The following VAT1L variants were observed in gnomAD, a reference collection of about 807,000 sequenced individuals.
VAT1L encodes putative NADPH-dependent quinone oxidoreductase VAT1L.
A neutral mutation model predicts 44.1 loss-of-function variants in VAT1L; 34 were observed. The observed-to-expected ratio is 0.77, with a 90% CI of 0.59 to 1.03. The LOEUF (loss-of-function observed/expected upper bound fraction) is 1.03. Ranked by LOEUF, VAT1L falls within the 50% of genes least tolerant of loss-of-function variation. The pLI is 0.00. For synonymous variants in VAT1L, 253 were observed against 202.2 expected (o/e 1.25, Z -2.13); for missense variants, 615 against 538.8 (o/e 1.14, Z -1.40).
In VAT1L at chr16:77,821,329, C is replaced by T. The variant is rs1403083421; in HGVS notation, c.364-3917C>T. 6.8e-5 allele frequency among the ~76,000 whole-genome samples: 10 copies of T among 147,146 alleles called. No individual in the cohort carries two copies. In the East Asian group the frequency reaches 1.8e-3, roughly 26 times the overall value. On this transcript the variant is annotated intron_variant, in intron 2 of 8. Coordinates refer to ENST00000302536, the MANE Select transcript of VAT1L (RefSeq NM_020927.3). Reference sequence around the variant, plus strand: ...TTTTTTTTTTTTTCGAGATGGGAGTCTCACTCTGTTGCCCAGGCTGAAGTG... The same window carrying T: ...TTTTTTTTTTTTTCGAGATGGGAGTTTCACTCTGTTGCCCAGGCTGAAGTG...
At chr16:77,886,370 GA>G (rs2017209720) in intron 7 of VAT1L, among the ~76,000 whole-genome samples, 1 of 152,086 alleles carries the variant, frequency 6.6e-6, no homozygotes, top group Non-Finnish European at 1.5e-5. Flanking sequence ...GAATCATCAA[GA>G]AAAAAGCTAA....
At chr16:77,898,041 G>A (rs576064647) in intron 7 of VAT1L, among the ~76,000 whole-genome samples, 66 of 152,302 alleles carry the variant, frequency 4.3e-4, no homozygotes, top group African/African-American at 1.5e-3. Context: ...GGGTCATGAA[G>A]GAATCTGTCT....
rs546412023 is a variant in VAT1L at position 77,927,419 on chromosome 16, G to A, written c.1077+42617G>A. Among the ~76,000 whole-genome samples the A allele has an allele frequency of 2.6e-5, 4 of 151,510 alleles. No homozygotes were observed. The South Asian group carries it at 6.3e-4, about 24-fold the overall frequency. ...TCCCTACTTTACAGATGAAGAAACT[G>A]AGGCTCAGCAACTAGTAAGAAGTAC... On this transcript the variant is annotated intron_variant, in intron 7 of 8. Coordinates refer to ENST00000302536, the MANE Select transcript of VAT1L (RefSeq NM_020927.3).
intron 7 of VAT1L, among the ~76,000 whole-genome samples, chr16:77,949,007 C>G (rs2018006918): frequency 6.6e-6 from 1 of 152,134 alleles, no homozygotes; most frequent in African/African-American, 2.4e-5. Flanking sequence ...AGCATCAAAC[C>G]CTTGGGACAT....
At chr16:77,813,134 G>C (rs1023558871) in intron 1 of VAT1L, among the ~76,000 whole-genome samples, 2 of 151,920 alleles carry the variant, frequency 1.3e-5, no homozygotes, top group African/African-American at 2.4e-5. Flanking sequence ...GTGCAAAACA[G>C]GGGCATTGAC....
At chr16:77,899,197 C>G (rs2017355451) in intron 7 of VAT1L, among the ~76,000 whole-genome samples, 1 of 152,196 alleles carries the variant, frequency 6.6e-6, no homozygotes, top group South Asian at 2.1e-4. Flanking sequence ...ATTAAGTGAC[C>G]TGGTCAAGGT....
chr16:77,953,048 G>C (rs1308111797), intron 7 of VAT1L, among the ~76,000 whole-genome samples: 1 of 151,970 alleles, frequency 6.6e-6, no homozygotes, highest in African/African-American at 2.4e-5. Context: ...ATCCAACATG[G>C]TGTACTTGTA....
intron 6 of VAT1L, among the ~76,000 whole-genome samples, chr16:77,881,139 G>C (rs187454328): frequency 6.6e-6 from 1 of 152,292 alleles, no homozygotes; most frequent in Non-Finnish European, 1.5e-5. Flanking sequence ...GGGTCAAATG[G>C]TAGGAACTTT....
At chr16:77,891,587 A>G (rs567885329) in intron 7 of VAT1L, among the ~76,000 whole-genome samples, 106 of 152,326 alleles carry the variant, frequency 7.0e-4, no homozygotes, top group African/African-American at 2.3e-3. Flanking sequence ...AAGTGTCCTC[A>G]GTCTCGCTGA....
rs1212996502 is a variant in VAT1L at position 77,964,802 on chromosome 16, T to C, written c.1078-7048T>C. On this transcript the variant is annotated intron_variant, in intron 7 of 8. Coordinates refer to ENST00000302536, the MANE Select transcript of VAT1L (RefSeq NM_020927.3). ...CACTTTTTTTTTTTTTTTTTTTTTT[T>C]TTTTTTTTTAGATGGAGTTTCGCCC... Among the ~76,000 whole-genome samples the C allele has an allele frequency of 3.4e-5, 4 of 119,120 alleles. No homozygotes were observed. In the South Asian group the frequency reaches 1.1e-3, roughly 34 times the overall value. 78.1% of individuals were successfully genotyped at this position (119,120 alleles called of 152,430 possible).
chr16:77,814,769 G>A (rs751958375), intron 1 of VAT1L, among the ~76,000 whole-genome samples: 2 of 152,246 alleles, frequency 1.3e-5, no homozygotes, highest in South Asian at 2.1e-4. Flanking sequence ...TCAGAAAATC[G>A]GCCATTTTAT....
chr16:77,961,779 G>C (rs892754934), intron 7 of VAT1L, among the ~76,000 whole-genome samples: 12 of 152,122 alleles, frequency 7.9e-5, no homozygotes, highest in African/African-American at 2.9e-4. Context: ...CCTGCCTTCT[G>C]ACCTTACTCC....
At chr16:77,812,429 T>C (rs1402757683) in intron 1 of VAT1L, among the ~76,000 whole-genome samples, 1 of 152,194 alleles carries the variant, frequency 6.6e-6, no homozygotes, top group Non-Finnish European at 1.5e-5. Context: ...TGAGATTTCA[T>C]GGTGTTATGG....
At chr16:77,839,604 C>G (rs773483531) in intron 3 of VAT1L, among the ~76,000 whole-genome samples, 1 of 112,042 alleles carries the variant, frequency 8.9e-6, no homozygotes, top group Non-Finnish European at 1.8e-5. Context: ...GGGCATTTGA[C>G]AAACTGACCA....
At chr16:77,931,322 A>T (rs2017728848) in intron 7 of VAT1L, among the ~76,000 whole-genome samples, 1 of 152,220 alleles carries the variant, frequency 6.6e-6, no homozygotes, top group Non-Finnish European at 1.5e-5. Context: ...CTCCTTTTAA[A>T]TAAGGAAACT....
chr16:77,885,037 T>G (rs142284184), intron 7 of VAT1L, among the ~76,000 whole-genome samples: 1 of 152,188 alleles, frequency 6.6e-6, no homozygotes, highest in Admixed American at 6.5e-5. Context: ...TCTGAACCCT[T>G]CCCAGGTAAG....
chr16:77,965,961 T>G (rs551349916), intron 7 of VAT1L, among the ~76,000 whole-genome samples: 1 of 152,286 alleles, frequency 6.6e-6, no homozygotes, highest in Non-Finnish European at 1.5e-5. Flanking sequence ...GGGAGGCCAA[T>G]GAGGACTTCA....
chr16:77,832,203 G>A (rs574302408), intron 3 of VAT1L, among the ~76,000 whole-genome samples: 3 of 152,020 alleles, frequency 2.0e-5, no homozygotes, highest in African/African-American at 7.2e-5. Flanking sequence ...TGGGCAAACG[G>A]TATCTTGGAA....
intron 7 of VAT1L, among the ~76,000 whole-genome samples, chr16:77,911,418 T>A (rs2017498590): frequency 6.6e-6 from 1 of 152,134 alleles, no homozygotes; most frequent in Non-Finnish European, 1.5e-5. Flanking sequence ...AGTACTTCTC[T>A]TAAATTCATA....
Sources: gnomAD v4.1 joint callset for allele counts (sites outside exome capture counted in the v4.1 genomes callset) on GRCh38, gnomAD v4.1.1 for gene constraint, MANE v1.5 for transcripts, NCBI Gene and HGNC (gene_info 2026-07-23, HGNC 2026-07-21) for gene names.